The following TEX2 variants were observed in gnomAD, a reference collection of about 807,000 sequenced individuals.
The protein encoded by TEX2 is testis-expressed protein 2.
Under a neutral mutation model 106.9 loss-of-function variants are expected in TEX2, and 53 were observed. That is an observed-to-expected ratio of 0.50 (90% CI 0.40 to 0.62). The LOEUF (loss-of-function observed/expected upper bound fraction) is 0.62. Ranked by LOEUF, TEX2 falls within the 20% of genes least tolerant of loss-of-function variation. TEX2 has a pLI of 0.00. For synonymous variants in TEX2, 523 were observed against 534.8 expected (o/e 0.98, Z 0.30); for missense variants, 1,207 against 1,379.0 (o/e 0.88, Z 1.98).
intron 2 of TEX2, among the ~76,000 whole-genome samples, chr17:64,206,754 G>C (rs1451677257): frequency 6.6e-6 from 1 of 151,672 alleles, no homozygotes; most frequent in Non-Finnish European, 1.5e-5. Flanking sequence ...GCAGAGAAGG[G>C]GGTTCCACCA....
At chr17:64,257,025 C>T (rs530349369) in intron 1 of TEX2, among the ~76,000 whole-genome samples, 9 of 152,296 alleles carry the variant, frequency 5.9e-5, no homozygotes, top group Non-Finnish European at 7.4e-5. Flanking sequence ...AGCAATCCAA[C>T]GGGTAGGTTT....
chr17:64,253,951 T>C (rs367733162), intron 1 of TEX2, among the ~76,000 whole-genome samples: 42 of 152,214 alleles, frequency 2.8e-4, no homozygotes, highest in South Asian at 8.3e-4. Context: ...CAGCAGCTCA[T>C]GCTCTCTGCG....
intron 1 of TEX2, among the ~76,000 whole-genome samples, chr17:64,252,783 C>G (rs1022570896): frequency 5.9e-5 from 9 of 152,058 alleles, no homozygotes; most frequent in African/African-American, 2.2e-4. Context: ...TAAACAAGGT[C>G]CCTGCCTTCT....
chr17:64,223,707 G>A (rs1173222976), intron 1 of TEX2, among the ~76,000 whole-genome samples: 1 of 142,274 alleles, frequency 7.0e-6, no homozygotes, highest in Non-Finnish European at 1.5e-5. Context: ...CACGGTAACA[G>A]AGCATCTTTT....
rs969836772 is a variant in TEX2 at position 64,147,899 on chromosome 17, C to T, written c.*1070G>A. ...AAAAAATGGTATTAGGTTTACTTCTCGAAGCAAAGAGAGCCCCCAACCTTG... is the reference window on the plus strand; with the variant it reads ...AAAAAATGGTATTAGGTTTACTTCTTGAAGCAAAGAGAGCCCCCAACCTTG... On this transcript the variant is annotated 3_prime_UTR_variant, in exon 12 of 12. Coordinates refer to ENST00000584379, the MANE Select transcript of TEX2 (RefSeq NM_001288732.2). The T allele has an allele frequency of 2.6e-5, 4 of 152,554 alleles. No individual in the cohort carries two copies. The highest frequency in any genetic ancestry group is 2.0e-4 in the Admixed American group (3 of 15,274). 9.5% of individuals were successfully genotyped at this position (152,554 alleles called of 1,614,324 possible).
intron 7 of TEX2, among the ~76,000 whole-genome samples, chr17:64,164,309 G>C (rs1038168274): frequency 6.6e-6 from 1 of 152,000 alleles, no homozygotes; most frequent in African/African-American, 2.4e-5. Context: ...ATGGTGGTGC[G>C]CACCTGTAGT....
At chr17:64,197,406 A>T (rs1446384376) in intron 2 of TEX2, among the ~76,000 whole-genome samples, 1 of 152,098 alleles carries the variant, frequency 6.6e-6, no homozygotes, top group Non-Finnish European at 1.5e-5. Context: ...TCTGGGCATA[A>T]TGTTGTTTAC....
At chr17:64,223,793 G>A (rs2033431911) in intron 1 of TEX2, among the ~76,000 whole-genome samples, 1 of 141,204 alleles carries the variant, frequency 7.1e-6, no homozygotes, top group Admixed American at 8.0e-5. Context: ...TAGGCTCACT[G>A]CAACCTCCAG....
chr17:64,211,696 G>T (rs1380552051), intron 2 of TEX2, among the ~76,000 whole-genome samples: 1 of 151,394 alleles, frequency 6.6e-6, no homozygotes, highest in Admixed American at 6.6e-5. Context: ...CATCGATTTT[G>T]GTATCCTTGG....
intron 5 of TEX2, 60 bp downstream of exon 5, chr17:64,188,108 C>T (rs193299603): frequency 1.8e-5 from 28 of 1,565,928 alleles, no homozygotes; most frequent in Middle Eastern, 4.7e-4. Context: ...AGCACTTACG[C>T]ATGAAGAAAT....
chr17:64,255,028 CTTTT>C (rs566755382), intron 1 of TEX2, among the ~76,000 whole-genome samples: 3 of 132,488 alleles, frequency 2.3e-5, no homozygotes, highest in Non-Finnish European at 3.2e-5. Flanking sequence ...CTGCATCTGG[CTTTT>C]TTTTTTTTTT....
At chr17:64,159,809 C>G (rs1239664850) in intron 8 of TEX2, among the ~76,000 whole-genome samples, 1 of 152,142 alleles carries the variant, frequency 6.6e-6, no homozygotes, top group Non-Finnish European at 1.5e-5. Flanking sequence ...GTAAAATTCT[C>G]CAATTATTAA....
chr17:64,246,140 C>A (rs1344849446), intron 1 of TEX2, among the ~76,000 whole-genome samples: 1 of 152,180 alleles, frequency 6.6e-6, no homozygotes, highest in Non-Finnish European at 1.5e-5. Flanking sequence ...GCACTAGAGG[C>A]TGAAATTCAG....
At chr17:64,200,387 T>C (rs2032619813) in intron 2 of TEX2, among the ~76,000 whole-genome samples, 1 of 152,138 alleles carries the variant, frequency 6.6e-6, no homozygotes, top group African/African-American at 2.4e-5. Context: ...GAGCAACCAT[T>C]TCCACAGTGC....
intron 1 of TEX2, among the ~76,000 whole-genome samples, chr17:64,241,221 G>A (rs1220003103): frequency 6.6e-6 from 1 of 152,216 alleles, no homozygotes; most frequent in Non-Finnish European, 1.5e-5. Flanking sequence ...ACTGTCTAAT[G>A]TCTGGCAGCT....
rs906182714 is a variant in TEX2, at chr17:64,219,617, T to C, written c.-25-5375A>G. On this transcript the variant is annotated intron_variant, in intron 1 of 11. Coordinates refer to ENST00000584379, the MANE Select transcript of TEX2 (RefSeq NM_001288732.2). ...GGCTATTCTGGCAGCCAAAGCATGA[T>C]GTAAGAAATGCCTAAACTAGAGGAG... 2.0e-5 allele frequency among the ~76,000 whole-genome samples: 3 copies of C among 151,836 alleles called. 1 individual carries two copies. The highest frequency in any genetic ancestry group is 7.3e-5 in the African/African-American group (3 of 41,282).
chr17:64,194,750 T>C (rs942198594), intron 3 of TEX2, 145 bp downstream of exon 3: 10 of 702,966 alleles, frequency 1.4e-5, no homozygotes, highest in Admixed American at 2.8e-5. Flanking sequence ...GCATAAACTT[T>C]AAAGTGTGAG....
In TEX2 at chr17:64,213,430, G is replaced by A; in HGVS notation, c.788C>T (p.Ala263Val). ...PRNTGGDSKT[A>V]PSSPLTSPSD... ...GGGAGAAGTCAGTGGGGAAGAAGGT[G>A]CAGTTTTGGAATCTCCACCTGTGTT... Residue 263 changes from alanine to valine, a missense_variant, in exon 2 of 12, where the codon GCA (alanine) becomes GTA (valine). Transcript: ENST00000584379. The surrounding 1 kb of genome is among the most constrained non-coding windows in gnomAD (Gnocchi z 4.4). The A allele has an allele frequency of 2.5e-6, 4 of 1,614,132 alleles. No individual in the cohort carries two copies. Among genetic ancestry groups the A allele is most frequent in the Non-Finnish European group, 3.4e-6 (4 of 1,180,032 alleles).
chr17:64,193,558 C>T lies in TEX2; in HGVS notation c.2176+1G>A. 7.1e-7 allele frequency: 1 copy of T among 1,412,864 alleles called. No individual in the cohort carries two copies. Among genetic ancestry groups the T allele is most frequent in the Non-Finnish European group, 9.3e-7 (1 of 1,074,380 alleles). 87.5% of individuals were successfully genotyped at this position (1,412,864 alleles called of 1,614,324 possible). On this transcript the variant is annotated splice_donor_variant, in intron 4 of 11. Coordinates refer to ENST00000584379, the MANE Select transcript of TEX2 (RefSeq NM_001288732.2). LOFTEE classifies it high-confidence loss of function. The stretch of plus-strand genomic sequence containing the variant: ...TAAGCATTTAGCACAAACATCATTA[C>T]CTGGTTTACCTCCAGAGACACCCGA...
Sources: gnomAD v4.1 joint callset for allele counts (sites outside exome capture counted in the v4.1 genomes callset) on GRCh38, gnomAD v4.1.1 for gene constraint, Gnocchi (gnomAD v3.1) non-coding constraint, MANE v1.5 for transcripts, NCBI Gene and HGNC (gene_info 2026-07-23, HGNC 2026-07-21) for gene names.